ZNF791: variants seen among roughly 807,000 people sequenced by gnomAD.
ZNF791 encodes the protein zinc finger protein 791.
In ZNF791, 4 loss-of-function variants were observed where a neutral mutation model predicts 11.5. The observed-to-expected ratio is 0.35, with a 90% CI of 0.17 to 0.80. The LOEUF (loss-of-function observed/expected upper bound fraction) is 0.80, where lower values mean the gene tolerates loss of function less well. Among genes scored for constraint, ZNF791 ranks in the 30% least tolerant of loss-of-function variants. The pLI is 0.53. For synonymous variants in ZNF791, 212 were observed against 228.1 expected (o/e 0.93, Z 0.64); for missense variants, 559 against 699.4 (o/e 0.80, Z 2.26).
At chr19:12,619,338 T>A (rs914616584) in intron 1 of ZNF791, among the ~76,000 whole-genome samples, 2 of 152,134 alleles carry the variant, frequency 1.3e-5, no homozygotes, top group African/African-American at 4.8e-5. Flanking sequence ...AATTACTGGA[T>A]CTTGGTCAAG....
rs193038234 is a variant in ZNF791, at chr19:12,629,653, C to T, written c.*393C>T. The stretch of plus-strand genomic sequence containing the variant: ...ATCCCAGCACTTTGGGAGGCCAAGG[C>T]GGGCGGATCACGAGGCCAGGAGATC... On this transcript the variant is annotated 3_prime_UTR_variant, in exon 4 of 4. Coordinates refer to ENST00000343325, the MANE Select transcript of ZNF791 (RefSeq NM_153358.3). 2.2e-3 allele frequency: 338 copies of T among 153,276 alleles called. 3 individuals carry two copies. Among genetic ancestry groups the T allele is most frequent in the African/African-American group, 6.6e-3 (273 of 41,390 alleles). 9.5% of individuals were successfully genotyped at this position (153,276 alleles called of 1,614,324 possible).
intron 3 of ZNF791, among the ~76,000 whole-genome samples, chr19:12,627,515 A>G (rs1273110018): frequency 1.3e-5 from 2 of 152,116 alleles, no homozygotes; most frequent in African/African-American, 2.4e-5. Context: ...AATCCCAGCT[A>G]CTTGGGAGGC....
At chr19:12,621,914 G>A (rs972658786) in intron 1 of ZNF791, among the ~76,000 whole-genome samples, 1 of 110,328 alleles carries the variant, frequency 9.1e-6, no homozygotes, top group African/African-American at 3.6e-5. Flanking sequence ...GGAATAGAAA[G>A]GCGGGAAAAG....
At chr19:12,617,913 CTTTTTTTTTTTT>C (rs958944041) in intron 1 of ZNF791, among the ~76,000 whole-genome samples, 1 of 94,746 alleles carries the variant, frequency 1.1e-5, no homozygotes, top group Non-Finnish European at 2.2e-5. Flanking sequence ...CTAAATTTTG[CTTTTTTTTTTTT>C]TTTTTTTTTG....
At chr19:12,625,840 TTTTG>T (rs1321676835) in intron 3 of ZNF791, among the ~76,000 whole-genome samples, 3 of 149,028 alleles carry the variant, frequency 2.0e-5, no homozygotes, top group Non-Finnish European at 4.5e-5. Flanking sequence ...TTGGGAACAG[TTTTG>T]TTTGTTTGTT....
At position 12,628,295 on chromosome 19, in the gene ZNF791, C is replaced by A; in HGVS notation, c.766C>A (p.His256Asn). 1.2e-6 allele frequency: 2 copies of A among 1,612,204 alleles called. No homozygotes were observed. Among genetic ancestry groups the A allele is most frequent in the Non-Finnish European group, 1.7e-6 (2 of 1,179,462 alleles). The change falls in exon 4 of 4, where the codon CAC becomes AAC. Residue 256 changes from histidine to asparagine, a missense_variant. By Grantham distance (68) the His-to-Asn change is moderately conservative (BLOSUM62 1). Coordinates refer to ENST00000343325, the MANE Select transcript of ZNF791 (RefSeq NM_153358.3). The stretch of plus-strand genomic sequence containing the variant: ...GGAATGTGGGAAAGCCTTCATTTCC[C>A]ACACAAGTGTTCTAACACACATGAT... Reference protein sequence around the residue: ...CKECGKAFISHTSVLTHMITH... With the variant: ...CKECGKAFISNTSVLTHMITH...
intron 1 of ZNF791, among the ~76,000 whole-genome samples, 176 bp downstream of exon 1, chr19:12,611,258 C>T (rs2023151544): frequency 2.0e-5 from 3 of 152,216 alleles, no homozygotes; most frequent in Admixed American, 2.0e-4. Flanking sequence ...TGGACAACTC[C>T]GCGCCCGCAG....
At chr19:12,625,446 C>T (rs1231333110) in intron 3 of ZNF791, among the ~76,000 whole-genome samples, 1 of 151,700 alleles carries the variant, frequency 6.6e-6, no homozygotes, top group African/African-American at 2.4e-5. Flanking sequence ...AAAATGTTTA[C>T]CAAAAATGTT....
chr19:12,628,894 A>G lies in ZNF791; in HGVS notation c.1365A>G (p.Leu455=), dbSNP rs1353358834. ...CGKVFIFPSA[L]RTHERTHTGE... is the part of the protein sequence containing the mutation. ...AGGTGTTCATTTTTCCTAGTGCGTT[A>G]CGAACACATGAAAGAACTCACACTG... The change falls in exon 4 of 4, where the codon TTA becomes TTG. Residue 455 remains leucine (L), a synonymous_variant. Transcript: ENST00000343325. The G allele has an allele frequency of 1.9e-6, 3 of 1,611,306 alleles. No homozygotes were observed. Among genetic ancestry groups the G allele is most frequent in the Non-Finnish European group, 2.5e-6 (3 of 1,179,030 alleles).
At chr19:12,617,949 T>C (rs1441776355) in intron 1 of ZNF791, among the ~76,000 whole-genome samples, 4 of 145,290 alleles carry the variant, frequency 2.8e-5, no homozygotes, top group Non-Finnish European at 1.5e-5. Context: ...CAGAGTTTCG[T>C]CCTTGTCGCC....
In ZNF791 at chr19:12,632,567, A is replaced by G. The variant is rs1347251584; in HGVS notation, c.*3307A>G. On this transcript the variant is annotated 3_prime_UTR_variant, in exon 4 of 4. Transcript: ENST00000343325. Reference sequence around the variant, plus strand: ...GAAACCAAGGCAAGCAGATCACTTGAGGTCAGGAGTTCGAGACCAACCTGG... The same window carrying G: ...GAAACCAAGGCAAGCAGATCACTTGGGGTCAGGAGTTCGAGACCAACCTGG... The G allele has an allele frequency of 6.6e-6, 1 of 152,034 alleles. No homozygotes were observed. Among genetic ancestry groups the G allele is most frequent in the Non-Finnish European group, 1.5e-5 (1 of 68,030 alleles). The allele number at this position is 152,034 out of a possible 1,614,324, so 9.4% of individuals were successfully genotyped here. A position where few individuals can be genotyped will look rare whatever the true frequency, so the allele number is the denominator to read the frequency against.
chr19:12,611,240 G>A (rs2023151015), intron 1 of ZNF791, among the ~76,000 whole-genome samples, 158 bp downstream of exon 1: 1 of 152,218 alleles, frequency 6.6e-6, no homozygotes, highest in South Asian at 2.1e-4. Flanking sequence ...CAGCCCCGGA[G>A]CCCTCTCTGG....
At position 12,623,678 on chromosome 19, in the gene ZNF791, CTACTT is replaced by C; in HGVS notation, c.4-21_4-17del. The C allele has an allele frequency of 6.2e-7, 1 of 1,613,656 alleles. No individual in the cohort carries two copies. The highest frequency in any genetic ancestry group is 1.1e-5 in the South Asian group (1 of 90,970). ...CATCCTTGTCAATCTCACCTATTCT[CTACTT>C]ATATTGGATGTTTCAGGACTCAGTG... On this transcript the variant is annotated splice_polypyrimidine_tract_variant and intron_variant, in intron 1 of 3. Coordinates refer to ENST00000343325, the MANE Select transcript of ZNF791 (RefSeq NM_153358.3).
chr19:12,628,814 A>G lies in ZNF791; in HGVS notation c.1285A>G (p.Arg429Gly). ...CTTCATTTCTCTTGAGAACTTTCGAAGACACATGATCACCCACACTGGAGA... is the reference window on the plus strand; with the variant it reads ...CTTCATTTCTCTTGAGAACTTTCGAGGACACATGATCACCCACACTGGAGA... Reference protein sequence around the residue: ...KTFISLENFRRHMITHTGDGP... With the variant: ...KTFISLENFRGHMITHTGDGP... The change falls in exon 4 of 4, where the codon AGA (arginine) becomes GGA (glycine). Residue 429 changes from arginine to glycine, a missense_variant. Transcript: ENST00000343325. 1 of 1,614,180 alleles carries G rather than the reference A, an allele frequency of 6.2e-7. No homozygotes were observed. The highest frequency in any genetic ancestry group is 2.2e-5 in the East Asian group (1 of 44,868).
chr19:12,628,364 A>G lies in ZNF791; in HGVS notation c.835A>G (p.Lys279Glu), dbSNP rs1282188473. 6.2e-7 allele frequency: 1 copy of G among 1,610,066 alleles called. No individual in the cohort carries two copies. Among genetic ancestry groups the G allele is most frequent in the African/African-American group, 1.3e-5 (1 of 74,872 alleles). Residue 279 changes from lysine to glutamate, a missense_variant, in exon 4 of 4, where the codon AAG (lysine) becomes GAG (glutamate). Physicochemically the swap from Lys to Glu is moderately conservative, Grantham distance 56 (BLOSUM62 1). Transcript: ENST00000343325. ...ACCTTATAAATGCAAAGAATGTGGA[A>G]AGGCATTCATTTTTCCCAGTTTTTT... The part of the protein sequence containing the change: ...DRPYKCKECG[K>E]AFIFPSFLRV...
intron 1 of ZNF791, chr19:12,623,347 A>G: frequency 4.7e-6 from 1 of 214,934 alleles, no homozygotes; most frequent in South Asian, 7.0e-5. Context: ...CTAGGCTCCA[A>G]TGAACTGTGA....
chr19:12,611,533 A>T (rs1376913587), intron 1 of ZNF791, among the ~76,000 whole-genome samples: 1 of 152,114 alleles, frequency 6.6e-6, no homozygotes, highest in Non-Finnish European at 1.5e-5. Context: ...CCAAACGCCT[A>T]CTTCCGCTCG....
chr19:12,624,795 A>G lies in ZNF791; in HGVS notation c.191+85A>G, dbSNP rs1479627922. ...CCGGGCACGGTGGCTCACACCTGTA[A>G]TCTCAGCACTTTGAGAGGCTGAGGT... On this transcript the variant is annotated intron_variant, in intron 3 of 3. Coordinates refer to ENST00000343325, the MANE Select transcript of ZNF791 (RefSeq NM_153358.3). 2.5e-5 allele frequency: 25 copies of G among 991,798 alleles called. No homozygotes were observed. In the South Asian group the frequency reaches 4.0e-4, roughly 16 times the overall value. 61.4% of individuals were successfully genotyped at this position (991,798 alleles called of 1,614,324 possible).
In ZNF791 at chr19:12,628,093, T is replaced by C; in HGVS notation, c.564T>C (p.Tyr188=). Residue 188 remains tyrosine, a synonymous_variant, in exon 4 of 4, where the codon TAT becomes TAC. Coordinates refer to ENST00000343325, the MANE Select transcript of ZNF791 (RefSeq NM_153358.3). ...GGACTCACATTGGAGAAAAACCCTA[T>C]GAATGTAAGCAATGTGGAAAAGCTC... ...HERTHIGEKP[Y]ECKQCGKALS... 1 of 1,614,092 alleles carries C rather than the reference T, an allele frequency of 6.2e-7. No homozygotes were observed. Among genetic ancestry groups the C allele is most frequent in the Non-Finnish European group, 8.5e-7 (1 of 1,180,014 alleles).
Sources: gnomAD v4.1 joint callset for allele counts (sites outside exome capture counted in the v4.1 genomes callset) on GRCh38, gnomAD v4.1.1 for gene constraint, MANE v1.5 for transcripts, NCBI Gene and HGNC (gene_info 2026-07-23, HGNC 2026-07-21) for gene names.